ARPC2: variants seen among roughly 807,000 people sequenced by gnomAD.
ARPC2 encodes the protein actin related protein 2/3 complex subunit 2, also known as actin-related protein 2/3 complex subunit 2.
In ARPC2, 4 loss-of-function variants were observed where a neutral mutation model predicts 38.6. That is an observed-to-expected ratio of 0.10 (90% CI 0.05 to 0.24). The LOEUF is 0.24. ARPC2 is among the 10% of genes least tolerant of loss of function. ARPC2 has a pLI of 1.00. For missense variants in ARPC2, 229 were observed against 387.3 expected (o/e 0.59, Z 3.43); for synonymous variants, 125 against 140.8 (o/e 0.89, Z 0.79).
chr2:218,233,643 A>G (rs143196538), intron 4 of ARPC2: 1 of 148,688 alleles, frequency 6.7e-6, no homozygotes, highest in East Asian at 2.0e-4. Context: ...CAAGATCAGC[A>G]GACAAACAGA....
At chr2:218,241,131 T>C (rs1194642411) in intron 7 of ARPC2, among the ~76,000 whole-genome samples, 1 of 152,194 alleles carries the variant, frequency 6.6e-6, no homozygotes, top group East Asian at 1.9e-4. Flanking sequence ...TTCTGTTCCT[T>C]GGCAGGGTGG....
intron 4 of ARPC2, among the ~76,000 whole-genome samples, chr2:218,229,755 T>G (rs1689586816): frequency 6.6e-6 from 1 of 152,240 alleles, no homozygotes; most frequent in Non-Finnish European, 1.5e-5. Context: ...TTCCCTTAGT[T>G]ATTCAAATGC....
intron 10 of ARPC2, chr2:218,253,058 T>TA (rs1318453434): frequency 2.2e-6 from 1 of 451,796 alleles, no homozygotes; most frequent in African/African-American, 2.0e-5. Flanking sequence ...GTGACTCAGC[T>TA]GTGGGCAGAA....
intron 4 of ARPC2, among the ~76,000 whole-genome samples, chr2:218,230,514 G>A (rs1466781982): frequency 6.6e-6 from 1 of 151,656 alleles, no homozygotes; most frequent in African/African-American, 2.4e-5. Context: ...GCCCAGGCTA[G>A]TTTCAAACTC....
chr2:218,247,825 C>T (rs1690082952), intron 8 of ARPC2, among the ~76,000 whole-genome samples: 3 of 152,092 alleles, frequency 2.0e-5, no homozygotes, highest in African/African-American at 7.2e-5. Flanking sequence ...TGCCTGTAGT[C>T]CCAGCTACCC....
intron 8 of ARPC2, among the ~76,000 whole-genome samples, chr2:218,247,423 T>C (rs1391820591): frequency 6.6e-6 from 1 of 152,236 alleles, no homozygotes; most frequent in South Asian, 2.1e-4. Context: ...TGAACCTGTT[T>C]ATTGGTGATG....
intron 7 of ARPC2, among the ~76,000 whole-genome samples, chr2:218,242,258 A>G (rs549219845): frequency 6.6e-6 from 1 of 152,354 alleles, no homozygotes; most frequent in South Asian, 2.1e-4. Flanking sequence ...AGAAGCCATC[A>G]TTTCAATGCT....
chr2:218,217,641 A>G, intron 2 of ARPC2, 97 bp downstream of exon 2: 1 of 1,295,234 alleles, frequency 7.7e-7, no homozygotes, highest in Non-Finnish European at 1.1e-6. Flanking sequence ...GAGGAGAGAA[A>G]TGGGGTGCCT....
At chr2:218,222,617 AT>A (rs1229465269) in intron 2 of ARPC2, among the ~76,000 whole-genome samples, 1 of 152,060 alleles carries the variant, frequency 6.6e-6, no homozygotes, top group Non-Finnish European at 1.5e-5. Context: ...CTGCTAACCA[AT>A]TCCTGATTCA....
chr2:218,227,992 C>T (rs753761000), intron 3 of ARPC2, among the ~76,000 whole-genome samples: 21 of 152,180 alleles, frequency 1.4e-4, no homozygotes, highest in Non-Finnish European at 2.4e-4. Flanking sequence ...TCTTCTGTAT[C>T]TTCCAAAGAT....
At chr2:218,219,360 T>G (rs1443586630) in intron 2 of ARPC2, among the ~76,000 whole-genome samples, 2 of 139,204 alleles carry the variant, frequency 1.4e-5, no homozygotes, top group East Asian at 3.9e-4. Flanking sequence ...CTTCCAGGAC[T>G]TTTTTTTTTT....
At chr2:218,223,113 T>C (rs1689421765) in intron 2 of ARPC2, among the ~76,000 whole-genome samples, 1 of 152,254 alleles carries the variant, frequency 6.6e-6, no homozygotes, top group African/African-American at 2.4e-5. Context: ...GGTTTTGCTT[T>C]CTGCAGTTTC....
intron 8 of ARPC2, among the ~76,000 whole-genome samples, chr2:218,247,463 T>C (rs1690067909): frequency 6.6e-6 from 1 of 152,192 alleles, no homozygotes; most frequent in African/African-American, 2.4e-5. Flanking sequence ...TTTCATTAAA[T>C]CTAAACTATA....
At position 218,246,804 on chromosome 2, in the gene ARPC2, C is replaced by T. The variant is rs937700970; in HGVS notation, c.676+1258C>T. On this transcript the variant is annotated intron_variant, in intron 8 of 10. Transcript: ENST00000315717. The stretch of plus-strand genomic sequence containing the variant: ...TGGCCAACATGGTGAAACCACACCT[C>T]TACTAAAAATACAAAAATTAGTTGG... Among the ~76,000 whole-genome samples the T allele has an allele frequency of 5.3e-5, 8 of 152,182 alleles. No individual in the cohort carries two copies. In the East Asian group the frequency reaches 1.3e-3, roughly 26 times the overall value.
chr2:218,251,159 G>A (rs1574597312), intron 10 of ARPC2, among the ~76,000 whole-genome samples: 3 of 152,044 alleles, frequency 2.0e-5, no homozygotes, highest in South Asian at 2.1e-4. Context: ...CTCACAGCCA[G>A]TGTTATTTGC....
intron 10 of ARPC2, among the ~76,000 whole-genome samples, chr2:218,250,877 G>A (rs1482164900): frequency 6.6e-6 from 1 of 151,848 alleles, no homozygotes; most frequent in Non-Finnish European, 1.5e-5. Flanking sequence ...TTTGGTGGGG[G>A]TGTTGGGGGA....
At chr2:218,231,369 T>C (rs952005878) in intron 4 of ARPC2, among the ~76,000 whole-genome samples, 9 of 152,206 alleles carry the variant, frequency 5.9e-5, no homozygotes, top group African/African-American at 2.2e-4. Flanking sequence ...CAGTACCTCT[T>C]AGATCTCAGA....
intron 7 of ARPC2, among the ~76,000 whole-genome samples, chr2:218,244,573 G>A (rs557645066): frequency 1.3e-5 from 2 of 152,228 alleles, no homozygotes; most frequent in South Asian, 2.1e-4. Context: ...TTAATGAATG[G>A]TAAAATATCA....
Position 218,239,967 on chromosome 2 carries a change from T to C in ARPC2, c.549+483T>C, listed in dbSNP as rs923352517. Among the ~76,000 whole-genome samples, 10 of 151,934 alleles carry C rather than the reference T, an allele frequency of 6.6e-5. No homozygotes were observed. The East Asian group carries it at 1.6e-3, about 24-fold the overall frequency. On this transcript the variant is annotated intron_variant, in intron 7 of 10. Transcript: ENST00000315717. ...TGAATATTTTTTGTTGCTGCTGCTG[T>C]TGTTTTGAGGTGGAGTCTTGCTCTG...
Sources: allele counts gnomAD v4.1 joint callset (sites outside exome capture counted in the v4.1 genomes callset), GRCh38; gene constraint gnomAD v4.1.1; transcripts MANE v1.5; gene names NCBI Gene and HGNC (gene_info 2026-07-23, HGNC 2026-07-21).